The following TTN variants were observed in gnomAD, a reference collection of about 807,000 sequenced individuals.
TTN encodes the protein connectin.
In TTN, 1,525 loss-of-function variants were observed where a neutral mutation model predicts 3,223.0. The ratio of observed to expected loss-of-function variants is 0.47; its 90% confidence interval spans 0.45 to 0.49. TTN has a LOEUF of 0.49. TTN is among the 20% of genes least tolerant of loss of function. TTN has a pLI of 0.00. For synonymous variants in TTN, 14,094 were observed against 15,161.0 expected, an observed-to-expected ratio of 0.93 and a Z score of 5.17; for missense variants, 40,786 against 43,424.0, an observed-to-expected ratio of 0.94 and a Z score of 5.40.
In TTN at chr2:178,693,692, TA is replaced by T. The variant is rs776720259; in HGVS notation, c.31514-4del. On this transcript the variant is annotated splice_polypyrimidine_tract_variant and splice_region_variant and intron_variant, in intron 118 of 362. Transcript: ENST00000589042. ...AATTTCCTTTTGTACCTCGGGGACT[TA>T]AAAAAATGTACATTTTAATTACTGA... is the stretch of plus-strand genomic sequence containing the variant. 3.7e-5 allele frequency: 59 copies of T among 1,587,150 alleles called. No homozygotes were observed. Among genetic ancestry groups the T allele is most frequent in the Non-Finnish European group, 4.6e-5 (53 of 1,162,938 alleles).
At position 178,630,300 on chromosome 2, in the gene TTN, G is replaced by A. The variant is rs778576436; in HGVS notation, c.44222C>T (p.Thr14741Met). 30 of 1,613,068 alleles carry A rather than the reference G, an allele frequency of 1.9e-5. No individual in the cohort carries two copies. Among genetic ancestry groups the A allele is most frequent in the African/African-American group, 8.0e-5 (6 of 74,976 alleles). The stretch of plus-strand genomic sequence containing the variant: ...GGCAGCTTGGAAATCCACCCCACCC[G>A]TCTGGTCCAGGCGACAGTTGTGCAA... ...LVLHNCRLDQ[T>M]GGVDFQAANV... Residue 14741 changes from threonine (T) to methionine (M), a missense_variant, in exon 239 of 363, where the codon ACG becomes ATG. Physicochemically the swap from Thr to Met is moderately conservative, Grantham distance 81. Transcript: ENST00000589042.
chr2:178,737,111 A>AGGAGGGAG (rs2081598774), intron 49 of TTN, among the ~76,000 whole-genome samples: 1 of 151,928 alleles, frequency 6.6e-6, no homozygotes, highest in Non-Finnish European at 1.5e-5. Flanking sequence ...AAAGATAGAG[A>AGGAGGGAG]GGAGGGAGGG....
Position 178,731,048 on chromosome 2 carries a change from C to A in TTN, c.17617G>T (p.Val5873Phe). The change falls in exon 60 of 363, where the codon GTC (valine) becomes TTC (phenylalanine). Residue 5873 changes from valine (V) to phenylalanine (F), a missense_variant. Transcript: ENST00000589042. The stretch of plus-strand genomic sequence containing the variant: ...TTCAGTATTGAGACTGTATCAGTGA[C>A]ACTGATTTTATATTTTGAGCCCAGG... ...LTLGSKYKIS[V>F]TDTVSILKII... The A allele has an allele frequency of 6.2e-7, 1 of 1,613,656 alleles. No individual in the cohort carries two copies. The highest frequency in any genetic ancestry group is 1.1e-5 in the South Asian group (1 of 91,078).
chr2:178,622,605 G>A, intron 243 of TTN, 65 bp downstream of exon 243: 3 of 1,336,176 alleles, frequency 2.2e-6, no homozygotes, highest in Non-Finnish European at 3.1e-6. Context: ...TTTCCATTTT[G>A]GCTAGACCAA....
chr2:178,683,114 C>A, intron 134 of TTN, 97 bp downstream of exon 134: 1 of 997,552 alleles, frequency 1.0e-6, no homozygotes, highest in South Asian at 1.4e-5. Flanking sequence ...CCTTAATCAA[C>A]AATAAGCTAA....
rs2093453701 is a variant in TTN at position 178,790,898 on chromosome 2, G to A, written c.1663-53C>T. 3 of 1,603,262 alleles carry A rather than the reference G, an allele frequency of 1.9e-6. No individual in the cohort carries two copies. In the Admixed American group the frequency reaches 5.0e-5, roughly 27 times the overall value. ...GAGTTTCAAAAGATACAAAAGCAATGGGAAGACATCCTTGAAACACTCAGG... is the reference window on the plus strand; with the variant it reads ...GAGTTTCAAAAGATACAAAAGCAATAGGAAGACATCCTTGAAACACTCAGG... On this transcript the variant is annotated intron_variant, in intron 10 of 362. Coordinates refer to ENST00000589042, the MANE Select transcript of TTN (RefSeq NM_001267550.2).
Position 178,775,927 on chromosome 2 carries a change from C to T in TTN, c.5937G>A (p.Leu1979=). ...DTTETKEVVK[L]KRAERITHEK... ...CATGGGTAATTCTTTCAGCCCTTTT[C>T]AACTTCACAACTTCTTTGGTTTCAG... The change falls in exon 28 of 363, where the codon TTG becomes TTA. Residue 1979 remains leucine, a synonymous_variant. Coordinates refer to ENST00000589042, the MANE Select transcript of TTN (RefSeq NM_001267550.2). 1.9e-6 allele frequency: 3 copies of T among 1,614,154 alleles called. No homozygotes were observed. Among genetic ancestry groups the T allele is most frequent in the Non-Finnish European group, 2.5e-6 (3 of 1,180,014 alleles).
At chr2:178,603,713 C>T (rs1389418733) in intron 282 of TTN, among the ~76,000 whole-genome samples, 163 bp downstream of exon 282, 1 of 151,914 alleles carries the variant, frequency 6.6e-6, no homozygotes, top group East Asian at 1.9e-4. Flanking sequence ...TATGTATACA[C>T]ACATAAATAT....
chr2:178,591,429 G>C lies in TTN; in HGVS notation c.60296C>G (p.Pro20099Arg). 1 of 1,606,926 alleles carries C rather than the reference G, an allele frequency of 6.2e-7. No homozygotes were observed. Among genetic ancestry groups the C allele is most frequent in the Non-Finnish European group, 8.5e-7 (1 of 1,176,828 alleles). The change falls in exon 304 of 363, where the codon CCT becomes CGT. Residue 20099 changes from proline (P) to arginine (R), a missense_variant. Coordinates refer to ENST00000589042, the MANE Select transcript of TTN (RefSeq NM_001267550.2). ...AACAGGCACACCTCTTATAATAGCA[G>C]GGAATCTGACTGTGGTTCCAGCCTT... Reference protein sequence around the residue: ...VVKAGTTVRFPAIIRGVPVPT... With the variant: ...VVKAGTTVRFRAIIRGVPVPT...
Position 178,621,711 on chromosome 2 carries a change from G to C in TTN, c.45113C>G (p.Ala15038Gly), listed in dbSNP as rs368158748. Reference protein sequence around the residue: ...EEEAVFTKNLANIEVSETDTI... With the variant: ...EEEAVFTKNLGNIEVSETDTI... ...GTCTGTTTCACTAACTTCAATGTTG[G>C]CAAGATTTTTGGTAAAGACAGCTTC... Residue 15038 changes from alanine to glycine, a missense_variant, in exon 245 of 363, where the codon GCC (alanine) becomes GGC (glycine). Transcript: ENST00000589042. 1.2e-6 allele frequency: 2 copies of C among 1,611,574 alleles called. No individual in the cohort carries two copies. The highest frequency in any genetic ancestry group is 1.7e-6 in the Non-Finnish European group (2 of 1,178,826).
chr2:178,553,164 G>A lies in TTN; in HGVS notation c.89736C>T (p.Leu29912=). The A allele has an allele frequency of 1.9e-6, 3 of 1,613,642 alleles. No individual in the cohort carries two copies. The highest frequency in any genetic ancestry group is 2.5e-6 in the Non-Finnish European group (3 of 1,179,640). The change falls in exon 335 of 363, where the codon CTC becomes CTT. Residue 29912 remains leucine, a synonymous_variant. Transcript: ENST00000589042. The part of the protein sequence containing the change: ...VTRNDTGKYI[L]TIENGVGEPK... ...GTTCACCAACTCCATTTTCTATTGT[G>A]AGAATATATTTTCCTGTATCATTGC...
At chr2:178,751,623 C>G (rs1481377115) in intron 47 of TTN, 1 of 1,613,196 alleles carries the variant, frequency 6.2e-7, no homozygotes, top group African/African-American at 1.3e-5. Context: ...AGCAATGATG[C>G]AGTTGATTCT....
Position 178,779,033 on chromosome 2 carries a change from C to T in TTN, c.4049G>A (p.Arg1350His), listed in dbSNP as rs539470256. 106 of 1,614,006 alleles carry T rather than the reference C, an allele frequency of 6.6e-5. 1 individual carries two copies. Among genetic ancestry groups the T allele is most frequent in the South Asian group, 4.9e-4 (45 of 91,076 alleles). Residue 1350 changes from arginine to histidine, a missense_variant, in exon 24 of 363, where the codon CGT (arginine) becomes CAT (histidine). Transcript: ENST00000589042. ...DFLQDGRASL[R>H]IPVVLPEDEG... ...ATCTTCTGGAAGAACAACAGGTATA[C>T]GCAGACTAGCTCTGCCATCTTGTAG...
chr2:178,769,725 T>C lies in TTN; in HGVS notation c.8856A>G (p.Thr2952=). 2 of 1,613,644 alleles carry C rather than the reference T, an allele frequency of 1.2e-6. No homozygotes were observed. Among genetic ancestry groups the C allele is most frequent in the Non-Finnish European group, 1.7e-6 (2 of 1,179,782 alleles). ...NTSTEDSAEY[T]FVCGNDQVSA... ...TGACTTGGTCATTGCCACAGACAAA[T>C]GTGTATTCTGCCGAGTCCTCTGTGC... is the stretch of plus-strand genomic sequence containing the variant. The change falls in exon 37 of 363, where the codon ACA becomes ACG. Residue 2952 remains threonine, a synonymous_variant. Transcript: ENST00000589042.
chr2:178,694,533 G>T, intron 117 of TTN, 66 bp downstream of exon 117: 1 of 1,183,452 alleles, frequency 8.4e-7, no homozygotes, highest in Non-Finnish European at 1.2e-6. Flanking sequence ...AGCAATATAT[G>T]TACACATGTC....
Position 178,718,345 on chromosome 2 carries a change from C to G in TTN, c.24761G>C (p.Cys8254Ser), listed in dbSNP as rs776063057. The G allele has an allele frequency of 6.8e-6, 11 of 1,613,594 alleles. No individual in the cohort carries two copies. Among genetic ancestry groups the G allele is most frequent in the Non-Finnish European group, 8.5e-6 (10 of 1,179,604 alleles). The change falls in exon 85 of 363, where the codon TGT (cysteine) becomes TCT (serine). Residue 8254 changes from cysteine to serine, a missense_variant. By Grantham distance (112) the Cys-to-Ser change is moderately radical. Transcript: ENST00000589042. ...LIENEAGQDI[C>S]EALVSVLEPP... Reference sequence around the variant, plus strand: ...ACCTAAGACAGACACCAGAGCTTCACAGATATCTTGACCAGCCTCATTTTC... The same window carrying G: ...ACCTAAGACAGACACCAGAGCTTCAGAGATATCTTGACCAGCCTCATTTTC...
At position 178,584,550 on chromosome 2, in the gene TTN, T is replaced by G. The variant is rs749850905; in HGVS notation, c.65001A>C (p.Arg21667=). ...FGVPSEPKNA[R]VTKVNKDCIF... ...TACAGTCCTTGTTGACTTTGGTGAC[T>G]CGTGCATTCTTTGGTTCACTAGGAA... The change falls in exon 311 of 363, where the codon CGA becomes CGC. Residue 21667 remains arginine (R), a synonymous_variant. Coordinates refer to ENST00000589042, the MANE Select transcript of TTN (RefSeq NM_001267550.2). The G allele has an allele frequency of 6.2e-6, 10 of 1,612,568 alleles. No homozygotes were observed. The highest frequency in any genetic ancestry group is 1.1e-5 in the South Asian group (1 of 90,980).
chr2:178,530,150 T>C (rs1226999294), intron 358 of TTN, 34 bp from the exon 359 acceptor site: 2 of 1,568,310 alleles, frequency 1.3e-6, no homozygotes, highest in Non-Finnish European at 1.7e-6. Flanking sequence ...TTTTAAAAAG[T>C]GATTTCATTT....
At position 178,749,053 on chromosome 2, in the gene TTN, T is replaced by C. The variant is rs144539321; in HGVS notation, c.11311+4071A>G. ...GCTTCACCTTTTTCCCCGGGTAGTG[T>C]ATCTCTTCACCAAGGGATTCTTCAT... On this transcript the variant is annotated intron_variant, in intron 47 of 362. Transcript: ENST00000589042. 3.6e-4 allele frequency: 577 copies of C among 1,612,778 alleles called. 3 individuals are homozygous for C. In the African/African-American group the frequency reaches 6.9e-3, roughly 19 times the overall value.
Sources: allele counts gnomAD v4.1 joint callset (sites outside exome capture counted in the v4.1 genomes callset), GRCh38; gene constraint gnomAD v4.1.1; transcripts MANE v1.5; gene names NCBI Gene and HGNC (gene_info 2026-07-23, HGNC 2026-07-21).